The following COPG2 variants were observed in gnomAD, a reference collection of about 807,000 sequenced individuals.
The protein encoded by COPG2 is coatomer subunit gamma-2.
COPG2 carries 37 observed loss-of-function variants against 46.3 expected under a neutral mutation model. The ratio of observed to expected loss-of-function variants is 0.80; its 90% CI spans 0.61 to 1.05. The LOEUF is 1.05. Ranked by LOEUF, COPG2 falls within the 50% of genes least tolerant of loss-of-function variation. The pLI is 0.00. For synonymous variants in COPG2, 159 were observed against 129.7 expected (o/e 1.23, Z -1.53); for missense variants, 427 against 387.8 (o/e 1.10, Z -0.85).
At chr7:130,542,695 G>A (rs1389162351) in intron 20 of COPG2, among the ~76,000 whole-genome samples, 4 of 152,198 alleles carry the variant, frequency 2.6e-5, no homozygotes, top group African/African-American at 9.7e-5. Flanking sequence ...CACATGGAAT[G>A]AGAGAGTCTG....
Position 130,554,571 on chromosome 7 carries a change from C to T in COPG2, c.1378G>A (p.Gly460Ser). Reference sequence around the variant, plus strand: ...ACAGGCGTTCTAGGGCCCTCTTTGCCCAACAAGTGTAGAATCTTAGTAGCC... The same window carrying T: ...ACAGGCGTTCTAGGGCCCTCTTTGCTCAACAAGTGTAGAATCTTAGTAGCC... Reference protein sequence around the residue: ...VLATKILHLLGKEGPRTPVPS... With the variant: ...VLATKILHLLSKEGPRTPVPS... The change falls in exon 14 of 24, where the codon GGC becomes AGC. Residue 460 changes from glycine to serine, a missense_variant. Physicochemically the swap from Gly to Ser is moderately conservative, Grantham distance 56 (BLOSUM62 0). Coordinates refer to ENST00000425248, the MANE Select transcript of COPG2 (RefSeq NM_012133.6). 1 of 398,514 alleles carries T rather than the reference C, an allele frequency of 2.5e-6. No individual in the cohort carries two copies. 24.7% of individuals were successfully genotyped at this position (398,514 alleles called of 1,614,324 possible).
intron 9 of COPG2, among the ~76,000 whole-genome samples, chr7:130,569,418 A>T (rs1224190751): frequency 2.0e-5 from 3 of 152,178 alleles, no homozygotes; most frequent in Non-Finnish European, 4.4e-5. Context: ...ATTCAAGGCC[A>T]CTATGAACAC....
At chr7:130,614,746 AC>A in intron 6 of COPG2, among the ~76,000 whole-genome samples, 1 of 152,280 alleles carries the variant, frequency 6.6e-6, no homozygotes, top group South Asian at 2.1e-4. Flanking sequence ...ACATGGTGAA[AC>A]CCTGTTTCTA....
At chr7:130,515,608 G>A (rs1390966684) in intron 20 of COPG2, among the ~76,000 whole-genome samples, 9 of 152,110 alleles carry the variant, frequency 5.9e-5, no homozygotes, top group Non-Finnish European at 1.3e-4. Flanking sequence ...GGCAGGCTAG[G>A]AACAATTCTG....
intron 9 of COPG2, among the ~76,000 whole-genome samples, chr7:130,597,490 A>C (rs1472095843): frequency 6.6e-6 from 1 of 152,202 alleles, no homozygotes; most frequent in Non-Finnish European, 1.5e-5. Context: ...GTATTTGGGC[A>C]CAGGCCCAGG....
intron 9 of COPG2, among the ~76,000 whole-genome samples, chr7:130,572,166 A>G (rs1321836805): frequency 2.6e-5 from 4 of 152,182 alleles, no homozygotes; most frequent in Admixed American, 2.6e-4. Flanking sequence ...TGATGGGTAC[A>G]CCAAAATCTC....
chr7:130,619,033 T>G (rs1234176271), intron 5 of COPG2, among the ~76,000 whole-genome samples: 5 of 152,226 alleles, frequency 3.3e-5, no homozygotes, highest in African/African-American at 1.2e-4. Context: ...ATTTTTAAAC[T>G]AATCTGTATT....
intron 5 of COPG2, among the ~76,000 whole-genome samples, chr7:130,626,653 T>C (rs1795126828): frequency 6.6e-6 from 1 of 152,180 alleles, no homozygotes; most frequent in Admixed American, 6.5e-5. Flanking sequence ...ACTGTTGAGC[T>C]GCTTTTCATG....
At chr7:130,631,068 G>A (rs1554455091) in intron 5 of COPG2, among the ~76,000 whole-genome samples, 1 of 151,876 alleles carries the variant, frequency 6.6e-6, no homozygotes, top group Non-Finnish European at 1.5e-5. Context: ...TTTAGAATAG[G>A]TGCCTTTAAT....
chr7:130,534,864 GAAGA>G (rs1326714562), intron 20 of COPG2, among the ~76,000 whole-genome samples: 1 of 152,108 alleles, frequency 6.6e-6, no homozygotes, highest in African/African-American at 2.4e-5. Context: ...TAATGGAGAT[GAAGA>G]AAGGAGGAAG....
At chr7:130,636,342 T>A (rs983040880) in intron 5 of COPG2, among the ~76,000 whole-genome samples, 1 of 152,116 alleles carries the variant, frequency 6.6e-6, no homozygotes, top group South Asian at 2.1e-4. Flanking sequence ...GGAGTCTAGG[T>A]CTCTTTGTAG....
At chr7:130,598,052 C>T (rs1032836651) in intron 9 of COPG2, among the ~76,000 whole-genome samples, 1 of 152,176 alleles carries the variant, frequency 6.6e-6, no homozygotes, top group East Asian at 1.9e-4. Flanking sequence ...CCAAACAGCC[C>T]TAACAGCAAA....
At chr7:130,596,554 C>A (rs187134436) in intron 9 of COPG2, among the ~76,000 whole-genome samples, 14 of 152,150 alleles carry the variant, frequency 9.2e-5, no homozygotes, top group African/African-American at 3.4e-4. Flanking sequence ...GCCATGGACG[C>A]CTGGGCAACA....
chr7:130,587,027 C>CACCAT (rs1794287573), intron 9 of COPG2, among the ~76,000 whole-genome samples: 1 of 151,850 alleles, frequency 6.6e-6, no homozygotes, highest in South Asian at 2.1e-4. Flanking sequence ...TACCATTCAG[C>CACCAT]TGGGCGTGGT....
chr7:130,646,987 A>ATATATATATGTGTATATATATATT (rs1795617284), intron 5 of COPG2, among the ~76,000 whole-genome samples: 1 of 1,582 alleles, frequency 6.3e-4, no homozygotes, highest in African/African-American at 9.9e-4. Context: ...ATATATGTAT[A>ATATATATATGTGTATATATATATT]TATATATATG....
intron 5 of COPG2, among the ~76,000 whole-genome samples, chr7:130,641,534 T>C (rs1795488746): frequency 6.6e-6 from 1 of 152,194 alleles, no homozygotes; most frequent in South Asian, 2.1e-4. Context: ...CTCCAGGAAG[T>C]ATTTAACCAT....
chr7:130,634,368 C>T (rs1014456563), intron 5 of COPG2, among the ~76,000 whole-genome samples: 22 of 152,074 alleles, frequency 1.4e-4, no homozygotes, highest in Admixed American at 1.4e-3. Context: ...GAATGTTTTT[C>T]CATTTGTTTG....
chr7:130,654,551 C>T (rs1357936106), intron 4 of COPG2, among the ~76,000 whole-genome samples: 2 of 152,042 alleles, frequency 1.3e-5, no homozygotes, highest in African/African-American at 2.4e-5. Flanking sequence ...TGTAAATGTG[C>T]ACGTGTGTAT....
chr7:130,623,796 G>A (rs1018384717), intron 5 of COPG2, among the ~76,000 whole-genome samples: 14 of 152,010 alleles, frequency 9.2e-5, no homozygotes, highest in Admixed American at 3.3e-4. Context: ...GACAGCCTGG[G>A]CAACATAATG....
Sources: gnomAD v4.1 joint callset for allele counts (sites outside exome capture counted in the v4.1 genomes callset) on GRCh38, gnomAD v4.1.1 for gene constraint, MANE v1.5 for transcripts, NCBI Gene and HGNC (gene_info 2026-07-23, HGNC 2026-07-21) for gene names.